MGAT4C: variants seen among roughly 807,000 people sequenced by gnomAD.
The protein encoded by MGAT4C is MGAT4 family member C, also known as alpha-1,3-mannosyl-glycoprotein 4-beta-N-acetylglucosaminyltransferase C.
Under a neutral mutation model 40.1 loss-of-function variants are expected in MGAT4C, and 19 were observed. That is an observed-to-expected ratio of 0.47 (90% confidence interval 0.33 to 0.70). MGAT4C has a LOEUF of 0.70. Ranked by LOEUF, MGAT4C falls within the 30% of genes least tolerant of loss-of-function variation. The pLI is 0.02. For missense variants in MGAT4C, 491 were observed against 563.2 expected, an observed-to-expected ratio of 0.87 and a Z score of 1.30; for synonymous variants, 181 against 187.1, an observed-to-expected ratio of 0.97 and a Z score of 0.27.
At chr12:86,005,327 G>A (rs1053442594) in intron 2 of MGAT4C, among the ~76,000 whole-genome samples, 1 of 151,926 alleles carries the variant, frequency 6.6e-6, no homozygotes, top group African/African-American at 2.4e-5. Context: ...TATTTTCCTG[G>A]CAATATAGTT....
chr12:86,327,566 A>T (rs78694242), intron 4 of MGAT4C, among the ~76,000 whole-genome samples: 10,163 of 152,116 alleles, frequency 0.067, 817 homozygotes, highest in East Asian at 0.24. Context: ...TGGAATTGAA[A>T]TTATATAAAT....
At chr12:86,270,020 C>T (rs1036294482) in intron 4 of MGAT4C, among the ~76,000 whole-genome samples, 3 of 151,990 alleles carry the variant, frequency 2.0e-5, no homozygotes, top group African/African-American at 4.8e-5. Flanking sequence ...CACTTTTCAC[C>T]TCCCGTAGTG....
intron 1 of MGAT4C, among the ~76,000 whole-genome samples, chr12:86,199,559 G>A (rs554322531): frequency 6.6e-6 from 1 of 151,444 alleles, no homozygotes; most frequent in Admixed American, 6.6e-5. Context: ...TCATGCCCTG[G>A]GTCTGTTGTA....
At chr12:86,063,172 A>G (rs570447018) in intron 1 of MGAT4C, among the ~76,000 whole-genome samples, 4 of 152,290 alleles carry the variant, frequency 2.6e-5, no homozygotes, top group Admixed American at 2.0e-4. Context: ...CTAACAGCAG[A>G]TCTCTCTACA....
chr12:86,072,355 C>T (rs1171496412), intron 1 of MGAT4C, among the ~76,000 whole-genome samples: 9 of 151,654 alleles, frequency 5.9e-5, no homozygotes. Context: ...CCCCAAAACA[C>T]TTTAAAATTC....
rs139751869 is a variant in MGAT4C at position 86,404,158 on chromosome 12, G to A, written c.-120+30999C>T. Among the ~76,000 whole-genome samples the A allele has an allele frequency of 3.3e-3, 499 of 152,162 alleles. 3 individuals carry two copies. The highest frequency in any genetic ancestry group is 0.011 in the African/African-American group (477 of 41,534). On this transcript the variant is annotated intron_variant, in intron 3 of 7. Coordinates refer to the MGAT4C transcript ENST00000548651. ...TGATTGCACCACTGCACTCCAGCCT[G>A]GGCAACAGAGTGAGATCCTGTCTCA...
intron 1 of MGAT4C, among the ~76,000 whole-genome samples, chr12:86,179,325 T>G (rs1251801376): frequency 6.6e-6 from 1 of 152,186 alleles, no homozygotes; most frequent in Admixed American, 6.5e-5. Flanking sequence ...GTTCCCAGTT[T>G]TGGGTATGTC....
intron 2 of MGAT4C, among the ~76,000 whole-genome samples, chr12:86,589,861 G>A (rs1311028113): frequency 1.3e-5 from 2 of 151,938 alleles, no homozygotes; most frequent in East Asian, 3.9e-4. Context: ...GAAGTAAAAT[G>A]TTCCCAAGCA....
intron 2 of MGAT4C, among the ~76,000 whole-genome samples, chr12:86,018,198 A>G (rs1889285783): frequency 6.6e-6 from 1 of 152,162 alleles, no homozygotes; most frequent in Non-Finnish European, 1.5e-5. Flanking sequence ...GAGGTGGGAA[A>G]GAAGAAAAAC....
At chr12:86,028,186 A>T (rs1037329690) in intron 2 of MGAT4C, 1 of 1,287,472 alleles carries the variant, frequency 7.8e-7, no homozygotes, top group African/African-American at 1.5e-5. Context: ...CCCAAGCATG[A>T]GACGTTCCAA....
chr12:86,264,407 C>G (rs1592614166), intron 4 of MGAT4C, among the ~76,000 whole-genome samples: 1 of 151,976 alleles, frequency 6.6e-6, no homozygotes. Context: ...GTTTGAGGGC[C>G]CCGTTTTGAT....
chr12:86,263,683 A>G (rs1457956987), intron 4 of MGAT4C, among the ~76,000 whole-genome samples: 1 of 152,024 alleles, frequency 6.6e-6, no homozygotes, highest in East Asian at 1.9e-4. Flanking sequence ...TCTTTTGGGG[A>G]GATACCCAGT....
At chr12:86,073,254 G>C (rs1847205) in intron 1 of MGAT4C, among the ~76,000 whole-genome samples, 3,190 of 152,236 alleles carry the variant, frequency 0.021, 178 homozygotes, top group East Asian at 0.064. Flanking sequence ...CCACAATTGT[G>C]AGGGCTTCCC....
At chr12:86,504,852 T>C (rs1190961703) in intron 2 of MGAT4C, among the ~76,000 whole-genome samples, 2 of 152,116 alleles carry the variant, frequency 1.3e-5, no homozygotes, top group South Asian at 2.1e-4. Flanking sequence ...GTGCTCAATG[T>C]TGGCCACGAT....
At chr12:86,615,681 G>T (rs533919582) in intron 2 of MGAT4C, among the ~76,000 whole-genome samples, 19 of 152,024 alleles carry the variant, frequency 1.2e-4, no homozygotes, top group Non-Finnish European at 2.4e-4. Context: ...AATCCTATGA[G>T]ATATTCTGCA....
At chr12:86,284,383 C>A (rs73181983) in intron 4 of MGAT4C, among the ~76,000 whole-genome samples, 1 of 151,718 alleles carries the variant, frequency 6.6e-6, no homozygotes, top group African/African-American at 2.4e-5. Flanking sequence ...TCTGGAGACA[C>A]CTCTTCTAGA....
intron 3 of MGAT4C, among the ~76,000 whole-genome samples, chr12:85,986,635 C>A (rs1182671475): frequency 3.3e-5 from 5 of 152,128 alleles, no homozygotes; most frequent in Non-Finnish European, 7.3e-5. Context: ...CACCTGATAT[C>A]TCTAAGTTAG....
intron 2 of MGAT4C, among the ~76,000 whole-genome samples, chr12:86,646,302 T>C (rs1009180968): frequency 1.3e-5 from 2 of 151,878 alleles, no homozygotes; most frequent in Non-Finnish European, 2.9e-5. Context: ...TTCTTTCATA[T>C]TGCCAAGCAT....
chr12:86,515,628 C>T (rs960754285), intron 2 of MGAT4C, among the ~76,000 whole-genome samples: 2 of 151,820 alleles, frequency 1.3e-5, no homozygotes, highest in Non-Finnish European at 2.9e-5. Context: ...AGCTACAAAA[C>T]ATCACTGAAA....
Sources: gnomAD v4.1 joint callset for allele counts (sites outside exome capture counted in the v4.1 genomes callset) on GRCh38, gnomAD v4.1.1 for gene constraint, MANE v1.5 for transcripts, NCBI Gene and HGNC (gene_info 2026-07-23, HGNC 2026-07-21) for gene names.